The following SKAP1 variants were observed in gnomAD, a reference collection of about 807,000 sequenced individuals.
The protein encoded by SKAP1 is src kinase associated phosphoprotein 1.
A neutral mutation model predicts 58.5 loss-of-function variants in SKAP1; 44 were observed. The observed-to-expected ratio is 0.75, with a 90% confidence interval of 0.59 to 0.97. The LOEUF (loss-of-function observed/expected upper bound fraction) is 0.97. Ranked by LOEUF, SKAP1 falls within the 50% of genes least tolerant of loss-of-function variation. The pLI is 0.00. For synonymous variants in SKAP1, 127 were observed against 149.7 expected, an observed-to-expected ratio of 0.85 and a Z score of 1.11; for missense variants, 390 against 435.2, an observed-to-expected ratio of 0.90 and a Z score of 0.92.
chr17:48,437,225 T>C, the SKAP1 span, among the ~76,000 whole-genome samples: 1 of 152,202 alleles, frequency 6.6e-6, no homozygotes, highest in East Asian at 1.9e-4. Context: ...CTCTCCTTAA[T>C]TATTGCAATA....
chr17:48,326,234 T>C (rs2066435358), intron 4 of SKAP1, among the ~76,000 whole-genome samples: 1 of 152,232 alleles, frequency 6.6e-6, no homozygotes, highest in Non-Finnish European at 1.5e-5. Context: ...ACTGTCTCCA[T>C]AAATGGGGGA....
intron 2 of SKAP1, among the ~76,000 whole-genome samples, chr17:48,373,644 T>C (rs915297561): frequency 2.0e-5 from 3 of 152,226 alleles, no homozygotes; most frequent in African/African-American, 7.2e-5. Context: ...GTCCATAGTT[T>C]AGGCTTCAGG....
At chr17:48,184,604 C>CAAA in intron 7 of SKAP1, 119 bp downstream of exon 7, 1 of 1,288,784 alleles carries the variant, frequency 7.8e-7, no homozygotes, top group Non-Finnish European at 1.1e-6. Context: ...TCTTCGTTGG[C>CAAA]ATGAAATGAG....
At chr17:48,252,183 A>G (rs532188182) in intron 4 of SKAP1, among the ~76,000 whole-genome samples, 6 of 152,292 alleles carry the variant, frequency 3.9e-5, no homozygotes, top group African/African-American at 1.4e-4. Flanking sequence ...AAGGGTTGGT[A>G]TAGACTCTTG....
intron 4 of SKAP1, among the ~76,000 whole-genome samples, chr17:48,311,033 C>T (rs2066216801): frequency 1.3e-5 from 2 of 152,188 alleles, no homozygotes; most frequent in Admixed American, 6.5e-5. Context: ...TTCGCCGCCC[C>T]CCCAGGCTGA....
chr17:48,291,784 T>C (rs965585572), intron 4 of SKAP1, among the ~76,000 whole-genome samples: 2 of 152,212 alleles, frequency 1.3e-5, no homozygotes, highest in Non-Finnish European at 2.9e-5. Context: ...TCATTAAGAA[T>C]TGATTTTTTA....
intron 11 of SKAP1, among the ~76,000 whole-genome samples, chr17:48,153,155 A>G (rs2063924246): frequency 6.6e-6 from 1 of 152,194 alleles, no homozygotes; most frequent in African/African-American, 2.4e-5. Flanking sequence ...TAAAATGCCA[A>G]TTTTATTCTC....
At chr17:48,164,155 A>G (rs891269521) in intron 10 of SKAP1, among the ~76,000 whole-genome samples, 4 of 152,258 alleles carry the variant, frequency 2.6e-5, no homozygotes, top group Non-Finnish European at 2.9e-5. Context: ...ATGAAATAAT[A>G]GAGAAATATC....
chr17:48,322,579 T>C (rs1299859384), intron 4 of SKAP1, among the ~76,000 whole-genome samples: 1 of 152,212 alleles, frequency 6.6e-6, no homozygotes, highest in African/African-American at 2.4e-5. Flanking sequence ...GGCAAGTCTA[T>C]ATTCCAGGCA....
At chr17:48,413,523 A>AAAAAAAAAAAAATATAT in intron 1 of SKAP1, among the ~76,000 whole-genome samples, 3 of 105,510 alleles carry the variant, frequency 2.8e-5, no homozygotes, top group Admixed American at 1.1e-4. Flanking sequence ...TCAAAAAAAA[A>AAAAAAAAAAAAATATAT]ATATATATAT....
At chr17:48,315,168 A>G (rs374875097) in intron 4 of SKAP1, among the ~76,000 whole-genome samples, 1 of 152,336 alleles carries the variant, frequency 6.6e-6, no homozygotes. Context: ...TTAAGAAGTA[A>G]ATAAAAAATT....
intron 4 of SKAP1, among the ~76,000 whole-genome samples, chr17:48,340,008 C>T (rs1290218406): frequency 6.6e-6 from 1 of 152,106 alleles, no homozygotes; most frequent in Non-Finnish European, 1.5e-5. Context: ...TGATGAAACC[C>T]TGTCTTTACT....
chr17:48,389,435 A>T (rs1567895064), intron 2 of SKAP1, among the ~76,000 whole-genome samples: 1 of 152,264 alleles, frequency 6.6e-6, no homozygotes, highest in Non-Finnish European at 1.5e-5. Flanking sequence ...GCCTGGGGCG[A>T]TAGGCTGAGA....
intron 4 of SKAP1, among the ~76,000 whole-genome samples, chr17:48,284,147 T>C (rs1438759269): frequency 6.6e-6 from 1 of 152,222 alleles, no homozygotes; most frequent in Non-Finnish European, 1.5e-5. Flanking sequence ...TGCCAACTTG[T>C]TGACTGGCCA....
intron 4 of SKAP1, among the ~76,000 whole-genome samples, chr17:48,335,788 C>T (rs1381836659): frequency 6.6e-6 from 1 of 152,026 alleles, no homozygotes; most frequent in Non-Finnish European, 1.5e-5. Context: ...TACAAACCCT[C>T]AAGATTATAG....
chr17:48,264,896 C>T (rs1462654576), intron 4 of SKAP1, among the ~76,000 whole-genome samples: 1 of 152,024 alleles, frequency 6.6e-6, no homozygotes, highest in Non-Finnish European at 1.5e-5. Context: ...AACGAGGAAA[C>T]ATCTGTTTGA....
chr17:48,406,536 C>T (rs1194439147), intron 1 of SKAP1, among the ~76,000 whole-genome samples: 14 of 148,408 alleles, frequency 9.4e-5, no homozygotes, highest in Admixed American at 4.0e-4. Flanking sequence ...CCCAAGTAGC[C>T]GGGACTAAAG....
chr17:48,214,963 A>AAATAAAATAAAATAC (rs2064920580), intron 4 of SKAP1, among the ~76,000 whole-genome samples: 1 of 151,196 alleles, frequency 6.6e-6, no homozygotes, highest in African/African-American at 2.4e-5. Flanking sequence ...AAATAAAATA[A>AAATAAAATAAAATAC]AATAAACAGA....
At chr17:48,287,040 G>C (rs1383936643) in intron 4 of SKAP1, among the ~76,000 whole-genome samples, 1 of 151,930 alleles carries the variant, frequency 6.6e-6, no homozygotes, top group East Asian at 1.9e-4. Context: ...AGGTTGCAGT[G>C]AGCCAAGATC....
Sources: allele counts gnomAD v4.1 joint callset (sites outside exome capture counted in the v4.1 genomes callset), GRCh38; gene constraint gnomAD v4.1.1; transcripts MANE v1.5; gene names NCBI Gene and HGNC (gene_info 2026-07-23, HGNC 2026-07-21).